SLC5A8: variants seen among roughly 807,000 people sequenced by gnomAD.
The protein encoded by SLC5A8 is sodium-coupled monocarboxylate transporter 1.
A neutral mutation model predicts 71.9 loss-of-function variants in SLC5A8; 55 were observed. That is an observed-to-expected ratio of 0.77 (90% CI 0.62 to 0.96). The LOEUF (loss-of-function observed/expected upper bound fraction) is 0.96. Among genes scored for constraint, SLC5A8 ranks in the 40% least tolerant of loss-of-function variants. SLC5A8 has a pLI of 0.00. For synonymous variants in SLC5A8, 307 were observed against 276.1 expected, an observed-to-expected ratio of 1.11 and a Z score of -1.11; for missense variants, 701 against 745.3, an observed-to-expected ratio of 0.94 and a Z score of 0.69.
intron 9 of SLC5A8, among the ~76,000 whole-genome samples, chr12:101,180,796 C>A (rs1399938752): frequency 2.0e-5 from 3 of 152,122 alleles, no homozygotes; most frequent in Admixed American, 6.6e-5. Flanking sequence ...TCAAGTGATC[C>A]TCCCACCTTG....
rs1280053805 is a variant in SLC5A8 at position 101,155,588 on chromosome 12, G to T, written c.*1691C>A. 2.8e-5 allele frequency: 4 copies of T among 145,362 alleles called. No homozygotes were observed. Among genetic ancestry groups the T allele is most frequent in the Non-Finnish European group, 4.5e-5 (3 of 67,314 alleles). The allele number at this position is 145,362 out of a possible 1,614,324, so 9.0% of individuals were successfully genotyped here. On this transcript the variant is annotated 3_prime_UTR_variant, in exon 15 of 15. Transcript: ENST00000536262. ...TGCAGCCTTGAAATCCTGGGCTTAA[G>T]CTATCCTCCCACCTCAGCTTCCCTA...
At chr12:101,199,996 GA>G (rs1393453026) in intron 3 of SLC5A8, among the ~76,000 whole-genome samples, 2 of 29,876 alleles carry the variant, frequency 6.7e-5, no homozygotes, top group Admixed American at 4.9e-4. Context: ...GGCATAAAAT[GA>G]AGTACTACCA....
At position 101,179,940 on chromosome 12, in the gene SLC5A8, T is replaced by C. The variant is rs971307066; in HGVS notation, c.1233+89A>G. 4 of 1,363,482 alleles carry C rather than the reference T, an allele frequency of 2.9e-6. No homozygotes were observed. In the Admixed American group the frequency reaches 5.1e-5, roughly 17 times the overall value. 84.5% of individuals were successfully genotyped at this position (1,363,482 alleles called of 1,614,324 possible). Reference sequence around the variant, plus strand: ...CTTGATATGTCCAGGTGTCGATATATATCGAGAGAAGTCTGGAAGGATGGT... The same window carrying C: ...CTTGATATGTCCAGGTGTCGATATACATCGAGAGAAGTCTGGAAGGATGGT... On this transcript the variant is annotated intron_variant, in intron 10 of 14. Transcript: ENST00000536262.
intron 10 of SLC5A8, among the ~76,000 whole-genome samples, chr12:101,168,791 A>G (rs1323356931): frequency 2.0e-5 from 3 of 152,234 alleles, no homozygotes; most frequent in African/African-American, 7.2e-5. Context: ...CAAACATCGC[A>G]TGAGGCAAAG....
Position 101,201,559 on chromosome 12 carries a change from A to T in SLC5A8, c.469+605T>A, listed in dbSNP as rs527950797. ...GACTAGCATGAACGTTTGCTTCAAT[A>T]AACTATCCCAGCCTCACTGCATTTA... On this transcript the variant is annotated intron_variant, in intron 3 of 14. Coordinates refer to ENST00000536262, the MANE Select transcript of SLC5A8 (RefSeq NM_145913.5). 2.6e-5 allele frequency among the ~76,000 whole-genome samples: 4 copies of T among 152,358 alleles called. No individual in the cohort carries two copies. In the East Asian group the frequency reaches 5.8e-4, roughly 22 times the overall value.
intron 2 of SLC5A8, among the ~76,000 whole-genome samples, chr12:101,203,614 TG>T (rs1438503726): frequency 1.3e-5 from 2 of 152,230 alleles, no homozygotes; most frequent in South Asian, 4.1e-4. Flanking sequence ...CCCAAAGTGC[TG>T]GGATTACAGG....
intron 6 of SLC5A8, among the ~76,000 whole-genome samples, chr12:101,189,692 G>A (rs962567857): frequency 6.6e-5 from 10 of 152,162 alleles, no homozygotes; most frequent in African/African-American, 1.7e-4. Context: ...ACCTCTGTGC[G>A]TTCATCCAAA....
At chr12:101,195,998 A>G (rs1208300286) in intron 3 of SLC5A8, among the ~76,000 whole-genome samples, 1 of 152,136 alleles carries the variant, frequency 6.6e-6, no homozygotes, top group African/African-American at 2.4e-5. Flanking sequence ...CCTGGCCGGT[A>G]ATGCTTTTTA....
At chr12:101,172,547 G>T (rs2625155) in intron 10 of SLC5A8, among the ~76,000 whole-genome samples, 108,544 of 151,912 alleles carry the variant, frequency 0.71, 39,827 homozygotes, top group African/African-American at 0.89. Flanking sequence ...CCGTGGGTGA[G>T]GGGTGTGAGA....
intron 10 of SLC5A8, among the ~76,000 whole-genome samples, chr12:101,168,979 A>G (rs2051800234): frequency 6.6e-6 from 1 of 152,210 alleles, no homozygotes; most frequent in Non-Finnish European, 1.5e-5. Context: ...GAAATATTAG[A>G]GGAAATAGTG....
chr12:101,186,226 C>CAG (rs35892618), intron 7 of SLC5A8, among the ~76,000 whole-genome samples: 74,220 of 151,284 alleles, frequency 0.49, 19,630 homozygotes, highest in African/African-American at 0.69. Context: ...GGGGATGTAA[C>CAG]AAGTGTGCCT....
intron 10 of SLC5A8, among the ~76,000 whole-genome samples, chr12:101,172,140 C>T (rs1207247739): frequency 1.3e-5 from 2 of 152,110 alleles, no homozygotes; most frequent in East Asian, 3.9e-4. Flanking sequence ...TTGTCCATTC[C>T]AGATGGCTGT....
At position 101,210,176 on chromosome 12, in the gene SLC5A8, A is replaced by AT; in HGVS notation, c.-329_-328insA. 9.1e-6 allele frequency: 3 copies of AT among 329,056 alleles called. No homozygotes were observed. Among genetic ancestry groups the AT allele is most frequent in the Non-Finnish European group, 1.1e-5 (2 of 182,838 alleles). 20.4% of individuals were successfully genotyped at this position (329,056 alleles called of 1,614,324 possible). ...CGCCGGGGACACCTGAGCAGATGAG[A>AT]ACTGGAGCCTCCAGCTGCTTCCAGC... On this transcript the variant is annotated 5_prime_UTR_variant, in exon 1 of 15. Coordinates refer to ENST00000536262, the MANE Select transcript of SLC5A8 (RefSeq NM_145913.5).
At chr12:101,162,389 T>A (rs571178879) in intron 12 of SLC5A8, among the ~76,000 whole-genome samples, 15 of 152,308 alleles carry the variant, frequency 9.8e-5, no homozygotes, top group African/African-American at 3.6e-4. Flanking sequence ...ATCCCACTAC[T>A]GGGTATACAT....
chr12:101,176,478 AG>A (rs1198113703), intron 10 of SLC5A8, among the ~76,000 whole-genome samples: 1 of 152,256 alleles, frequency 6.6e-6, no homozygotes, highest in African/African-American at 2.4e-5. Context: ...TAATAAAAAA[AG>A]AATACACATT....
rs164365 is a variant in SLC5A8, at chr12:101,166,550, C to A, written c.1470G>T (p.Met490Ile). 0.22 allele frequency: 353,679 copies of A among 1,612,632 alleles called. 42,207 individuals carry two copies. Among genetic ancestry groups the A allele is most frequent in the East Asian group, 0.52 (23,505 of 44,830 alleles). The change falls in exon 12 of 15, where the codon ATG becomes ATT. Residue 490 changes from methionine to isoleucine, a missense_variant. Physicochemically the swap from Met to Ile is conservative, Grantham distance 10. Transcript: ENST00000536262. ...CNSTYNETNL[M>I]TTTEMPFTTS... ...TAGTAAATGGCATTTCTGTGGTTGT[C>A]ATCAAATTTGTCTCATTGTAGGTGC...
At chr12:101,202,690 G>C (rs1473700221) in intron 2 of SLC5A8, among the ~76,000 whole-genome samples, 1 of 151,904 alleles carries the variant, frequency 6.6e-6, no homozygotes, top group Non-Finnish European at 1.5e-5. Flanking sequence ...TTAAACAAAA[G>C]TATAAATTTG....
intron 10 of SLC5A8, among the ~76,000 whole-genome samples, chr12:101,172,419 G>A (rs1275529599): frequency 6.6e-6 from 1 of 152,150 alleles, no homozygotes; most frequent in Non-Finnish European, 1.5e-5. Context: ...TTGGTATTAA[G>A]GAGAGTTTGC....
intron 13 of SLC5A8, among the ~76,000 whole-genome samples, chr12:101,160,664 T>C (rs1248637390): frequency 1.3e-5 from 2 of 152,194 alleles, no homozygotes; most frequent in Non-Finnish European, 1.5e-5. Context: ...TCACCTGGGT[T>C]ACTGCAATAG....
Sources: allele counts gnomAD v4.1 joint callset (sites outside exome capture counted in the v4.1 genomes callset), GRCh38; gene constraint gnomAD v4.1.1; transcripts MANE v1.5; gene names NCBI Gene and HGNC (gene_info 2026-07-23, HGNC 2026-07-21).